The following HMGCLL1 variants were observed in gnomAD, a reference collection of about 807,000 sequenced individuals.
The protein encoded by HMGCLL1 is 3-hydroxy-3-methylglutaryl-CoA lyase like 1.
A neutral mutation model predicts 39.1 loss-of-function variants in HMGCLL1; 36 were observed. The observed-to-expected ratio is 0.92, with a 90% confidence interval of 0.71 to 1.22. HMGCLL1 has a LOEUF of 1.22. Ranked by LOEUF, HMGCLL1 falls within the 50% of genes most tolerant of loss-of-function variation. The pLI, the probability that HMGCLL1 is intolerant of heterozygous loss-of-function variation, is 0.00. For synonymous variants in HMGCLL1, 149 were observed against 144.0 expected (o/e 1.03, Z -0.25); for missense variants, 451 against 416.5 (o/e 1.08, Z -0.72).
chr6:55,448,426 C>T (rs1049986282), intron 7 of HMGCLL1, among the ~76,000 whole-genome samples: 4 of 151,242 alleles, frequency 2.6e-5, no homozygotes, highest in African/African-American at 7.3e-5. Context: ...AGGATACTAA[C>T]TATAGTTCCA....
At chr6:55,614,373 T>C in the HMGCLL1 span, among the ~76,000 whole-genome samples, 69 of 152,086 alleles carry the variant, frequency 4.5e-4, no homozygotes, top group Non-Finnish European at 7.6e-4. Flanking sequence ...AGAAGCACGG[T>C]CTGCAAATCA....
intron 7 of HMGCLL1, among the ~76,000 whole-genome samples, chr6:55,459,125 G>A (rs1047013278): frequency 5.3e-5 from 8 of 152,122 alleles, no homozygotes; most frequent in Non-Finnish European, 1.0e-4. Context: ...TTTTAGAAGA[G>A]CATTTGTATT....
chr6:55,670,490 T>C, the HMGCLL1 span, among the ~76,000 whole-genome samples: 1 of 151,838 alleles, frequency 6.6e-6, no homozygotes, highest in Non-Finnish European at 1.5e-5. Flanking sequence ...TATTCGATGC[T>C]TGAAAGCAAA....
intron 7 of HMGCLL1, among the ~76,000 whole-genome samples, chr6:55,460,391 T>G (rs1003708133): frequency 5.3e-5 from 8 of 151,992 alleles, no homozygotes; most frequent in Non-Finnish European, 1.2e-4. Flanking sequence ...TTCACATTAC[T>G]AGAGACAAAT....
the HMGCLL1 span, among the ~76,000 whole-genome samples, chr6:55,594,924 A>C: frequency 6.6e-6 from 1 of 151,958 alleles, no homozygotes; most frequent in Non-Finnish European, 1.5e-5. Context: ...AGTAGTAAAC[A>C]CTCTGGATAT....
intron 7 of HMGCLL1, among the ~76,000 whole-genome samples, chr6:55,468,502 A>G (rs1361224490): frequency 6.6e-6 from 1 of 151,978 alleles, no homozygotes; most frequent in Non-Finnish European, 1.5e-5. Flanking sequence ...GAAAGGTAGA[A>G]TGATGGAGTG....
chr6:55,497,865 C>G (rs1766656935), intron 6 of HMGCLL1, among the ~76,000 whole-genome samples: 1 of 152,024 alleles, frequency 6.6e-6, no homozygotes, highest in African/African-American at 2.4e-5. Context: ...AGGGAAAAAG[C>G]TAAATGCAAA....
the HMGCLL1 span, among the ~76,000 whole-genome samples, chr6:55,600,379 A>G: frequency 6.6e-6 from 1 of 152,182 alleles, no homozygotes; most frequent in Non-Finnish European, 1.5e-5. Flanking sequence ...CTATTTTTAA[A>G]GCAGGCAACA....
At chr6:55,475,795 T>A (rs1488458145) in intron 7 of HMGCLL1, among the ~76,000 whole-genome samples, 1 of 151,640 alleles carries the variant, frequency 6.6e-6, no homozygotes, top group African/African-American at 2.4e-5. Flanking sequence ...AGATTAAGAT[T>A]TTTTTTTCTG....
chr6:55,560,272 G>C (rs1770882019), intron 1 of HMGCLL1, among the ~76,000 whole-genome samples: 1 of 152,076 alleles, frequency 6.6e-6, no homozygotes, highest in Non-Finnish European at 1.5e-5. Flanking sequence ...AATATAACTA[G>C]AGCAAAACTA....
At chr6:55,633,914 A>G in the HMGCLL1 span, among the ~76,000 whole-genome samples, 1 of 152,156 alleles carries the variant, frequency 6.6e-6, no homozygotes, top group Non-Finnish European at 1.5e-5. Context: ...AGTATCCGAA[A>G]CATTCTTCTG....
intron 3 of HMGCLL1, among the ~76,000 whole-genome samples, chr6:55,537,304 A>G (rs901642565): frequency 1.3e-5 from 2 of 152,208 alleles, no homozygotes; most frequent in Non-Finnish European, 2.9e-5. Context: ...ATTCAGGCAC[A>G]CTGATCTTTT....
chr6:55,629,549 C>T, the HMGCLL1 span, among the ~76,000 whole-genome samples: 9 of 152,086 alleles, frequency 5.9e-5, no homozygotes, highest in East Asian at 1.9e-4. Context: ...AACAAAGAGC[C>T]GAATGTTAAT....
chr6:55,434,736 G>A lies in HMGCLL1; in HGVS notation c.*926C>T, dbSNP rs1330066282. 6.6e-6 allele frequency: 1 copy of A among 151,900 alleles called. No individual in the cohort carries two copies. The highest frequency in any genetic ancestry group is 2.4e-5 in the African/African-American group (1 of 41,366). 9.4% of individuals were successfully genotyped at this position (151,900 alleles called of 1,614,324 possible). On this transcript the variant is annotated 3_prime_UTR_variant, in exon 9 of 9. Coordinates refer to ENST00000274901, the MANE Select transcript of HMGCLL1 (RefSeq NM_001042406.2). ...TAAAAAATACACCAAAAAATAATGT[G>A]GGTAAGCAAAGCACCATGAATAAAA...
intron 7 of HMGCLL1, among the ~76,000 whole-genome samples, chr6:55,469,340 G>A (rs1764932301): frequency 1.3e-5 from 2 of 148,348 alleles, no homozygotes; most frequent in Non-Finnish European, 3.0e-5. Flanking sequence ...TGATCCTAAA[G>A]GTCACTTACT....
the HMGCLL1 span, among the ~76,000 whole-genome samples, chr6:55,643,502 A>G: frequency 6.6e-6 from 1 of 152,086 alleles, no homozygotes; most frequent in South Asian, 2.1e-4. Flanking sequence ...TATTCATTAA[A>G]TTATTATTGA....
the HMGCLL1 span, among the ~76,000 whole-genome samples, chr6:55,606,227 C>T: frequency 6.6e-6 from 1 of 152,102 alleles, no homozygotes; most frequent in Non-Finnish European, 1.5e-5. Flanking sequence ...GGTGAAAGGA[C>T]ACAACAAAAT....
At chr6:55,456,980 T>C (rs904617301) in intron 7 of HMGCLL1, among the ~76,000 whole-genome samples, 2 of 152,208 alleles carry the variant, frequency 1.3e-5, no homozygotes, top group Non-Finnish European at 2.9e-5. Flanking sequence ...TGTTGTGTTC[T>C]AGTTACCTGG....
the HMGCLL1 span, among the ~76,000 whole-genome samples, chr6:55,651,793 C>A: frequency 6.6e-6 from 1 of 152,108 alleles, no homozygotes; most frequent in Non-Finnish European, 1.5e-5. Context: ...GCCCTTCTGA[C>A]TAGGGCTGGT....
Sources: allele counts gnomAD v4.1 joint callset (sites outside exome capture counted in the v4.1 genomes callset), GRCh38; gene constraint gnomAD v4.1.1; transcripts MANE v1.5; gene names NCBI Gene and HGNC (gene_info 2026-07-23, HGNC 2026-07-21).